PCNX2: variants seen among roughly 807,000 people sequenced by gnomAD.
PCNX2 encodes the protein pecanex-like protein 2.
A neutral mutation model predicts 223.8 loss-of-function variants in PCNX2; 168 were observed. The observed-to-expected ratio is 0.75, with a 90% CI of 0.66 to 0.85. The LOEUF (loss-of-function observed/expected upper bound fraction) is 0.85, where lower values mean the gene tolerates loss of function less well. PCNX2 is among the 40% of genes least tolerant of loss of function. The probability of loss-of-function intolerance (pLI) is 0.00; values close to 1 mark genes in which losing one functional copy is unlikely to be tolerated. For synonymous variants in PCNX2, 1,006 were observed against 1,052.6 expected (o/e 0.96, Z 0.86); for missense variants, 2,507 against 2,675.5 (o/e 0.94, Z 1.39).
chr1:232,986,318 C>A lies in PCNX2; in HGVS notation c.6014G>T (p.Gly2005Val). The A allele has an allele frequency of 6.3e-7, 1 of 1,585,546 alleles. No homozygotes were observed. Among genetic ancestry groups the A allele is most frequent in the Non-Finnish European group, 8.6e-7 (1 of 1,166,708 alleles). ...HSQPPPVTTT[G>V]HLSVRERAEA... ...GGCCCGCTCACGGACACTCAGGTGG[C>A]CGGTGGTGGTGACGGGCGGGGGCTG... Residue 2005 changes from glycine to valine, a missense_variant, in exon 33 of 34, where the codon GGC becomes GTC. Transcript: ENST00000258229.
intron 23 of PCNX2, among the ~76,000 whole-genome samples, chr1:233,076,462 G>A (rs750294963): frequency 1.3e-5 from 2 of 152,138 alleles, no homozygotes; most frequent in East Asian, 3.9e-4. Flanking sequence ...CACTTGTCTC[G>A]GGAGAGGCAG....
intron 25 of PCNX2, among the ~76,000 whole-genome samples, chr1:233,032,206 G>A (rs1003112550): frequency 2.0e-5 from 3 of 151,988 alleles, no homozygotes; most frequent in Admixed American, 6.6e-5. Flanking sequence ...GGGTTCAAGC[G>A]ATTTTCCTGC....
At chr1:233,132,538 TAGGACTCTTACAGAA>T (rs1676562951) in intron 21 of PCNX2, among the ~76,000 whole-genome samples, 3 of 152,190 alleles carry the variant, frequency 2.0e-5, no homozygotes, top group Admixed American at 2.0e-4. Flanking sequence ...AAGCCACGCC[TAGGACTCTTACAGAA>T]AGAAACCTCA....
intron 15 of PCNX2, among the ~76,000 whole-genome samples, chr1:233,187,131 T>G (rs983364030): frequency 6.6e-6 from 1 of 152,230 alleles, no homozygotes; most frequent in African/African-American, 2.4e-5. Context: ...TCCCATGCAT[T>G]CGGCAGCGAC....
intron 1 of PCNX2, among the ~76,000 whole-genome samples, chr1:233,274,851 A>T (rs950168720): frequency 6.6e-6 from 1 of 152,224 alleles, no homozygotes; most frequent in Non-Finnish European, 1.5e-5. Context: ...GATCTTCATG[A>T]TGAAGAGCAC....
intron 1 of PCNX2, among the ~76,000 whole-genome samples, chr1:233,267,545 C>T (rs182142317): frequency 9.6e-4 from 142 of 147,256 alleles, no homozygotes; most frequent in African/African-American, 3.4e-3. Context: ...CATCCCCTGG[C>T]AACCACCGTT....
intron 28 of PCNX2, among the ~76,000 whole-genome samples, chr1:233,007,099 A>G (rs1300673873): frequency 1.3e-5 from 2 of 151,908 alleles, no homozygotes; most frequent in Non-Finnish European, 2.9e-5. Flanking sequence ...GTACAGTCGC[A>G]CATGCCTGTA....
At chr1:233,176,449 C>T (rs1463572503) in intron 17 of PCNX2, among the ~76,000 whole-genome samples, 1 of 152,192 alleles carries the variant, frequency 6.6e-6, no homozygotes, top group Non-Finnish European at 1.5e-5. Flanking sequence ...CAAGCAATCG[C>T]TATGCAGACA....
intron 10 of PCNX2, 64 bp from the exon 11 acceptor site, chr1:233,218,248 T>TA (rs1286486499): frequency 1.9e-6 from 1 of 532,080 alleles, no homozygotes; most frequent in East Asian, 8.8e-5. Context: ...AGTTTTGCCT[T>TA]TTTTTTTTTT....
At chr1:233,032,621 T>G (rs1671309424) in intron 25 of PCNX2, among the ~76,000 whole-genome samples, 1 of 151,938 alleles carries the variant, frequency 6.6e-6, no homozygotes, top group African/African-American at 2.4e-5. Context: ...GAGGGCTGAT[T>G]GCATGAGTAT....
At chr1:233,249,356 C>T (rs1333589333) in intron 8 of PCNX2, among the ~76,000 whole-genome samples, 1 of 152,198 alleles carries the variant, frequency 6.6e-6, no homozygotes, top group Non-Finnish European at 1.5e-5. Flanking sequence ...CTGGGAATTG[C>T]AGAATAATAT....
chr1:233,008,480 T>A (rs1196453874), intron 28 of PCNX2, among the ~76,000 whole-genome samples: 1 of 152,164 alleles, frequency 6.6e-6, no homozygotes, highest in Non-Finnish European at 1.5e-5. Flanking sequence ...ACTCATAAGA[T>A]CAATTACTGC....
At chr1:233,075,848 A>G (rs1673074490) in intron 23 of PCNX2, among the ~76,000 whole-genome samples, 1 of 152,142 alleles carries the variant, frequency 6.6e-6, no homozygotes, top group Non-Finnish European at 1.5e-5. Context: ...TTAAATTAGT[A>G]TTATTTCTTC....
intron 21 of PCNX2, among the ~76,000 whole-genome samples, chr1:233,133,233 C>T (rs755803482): frequency 1.3e-5 from 2 of 152,054 alleles, no homozygotes; most frequent in Non-Finnish European, 2.9e-5. Context: ...CTTATCCCTG[C>T]AAGCAGTGAA....
At chr1:233,159,502 C>T (rs914896880) in intron 19 of PCNX2, among the ~76,000 whole-genome samples, 1 of 152,126 alleles carries the variant, frequency 6.6e-6, no homozygotes, top group African/African-American at 2.4e-5. Context: ...TTACAATAGG[C>T]TAAACAGCTC....
rs1669386865 is a variant in PCNX2, at chr1:232,984,392, G to C, written c.6326C>G (p.Thr2109Ser). 1 of 1,613,632 alleles carries C rather than the reference G, an allele frequency of 6.2e-7. No individual in the cohort carries two copies. Among genetic ancestry groups the C allele is most frequent in the African/African-American group, 1.3e-5 (1 of 74,880 alleles). Residue 2109 changes from threonine to serine, a missense_variant, in exon 34 of 34, where the codon ACT (threonine) becomes AGT (serine). This residue lies in a region of PCNX2 where 1,372 missense variants were observed against 1,509.4 expected (regional missense o/e 0.91). Transcript: ENST00000258229. ...TGCTCTCCTGCAGACAACCCCGAGA[G>C]TGTCCGCCACAGCCTCAGCCAGACA... ...DRCLAEAVAD[T>S]LGVVCRRASQ...
the PCNX2 span, among the ~76,000 whole-genome samples, chr1:233,302,645 C>CATAT: frequency 0.03 from 4,412 of 147,476 alleles, 83 homozygotes; most frequent in South Asian, 0.039. Context: ...CTCCTTCCAT[C>CATAT]ATATATATAT....
chr1:233,245,019 C>A (rs1045269174), intron 8 of PCNX2, among the ~76,000 whole-genome samples: 7 of 152,228 alleles, frequency 4.6e-5, no homozygotes, highest in Non-Finnish European at 8.8e-5. Flanking sequence ...CCCATCACTC[C>A]TGCTGCATAA....
At chr1:233,322,586 C>G in the PCNX2 span, among the ~76,000 whole-genome samples, 1 of 152,046 alleles carries the variant, frequency 6.6e-6, no homozygotes, top group African/African-American at 2.4e-5. Flanking sequence ...TAGTACCAGG[C>G]GTTCGACTCA....
Sources: allele counts gnomAD v4.1 joint callset (sites outside exome capture counted in the v4.1 genomes callset), GRCh38; gene constraint gnomAD v4.1.1; regional missense constraint gnomAD v4.1.1; transcripts MANE v1.5; gene names NCBI Gene and HGNC (gene_info 2026-07-23, HGNC 2026-07-21).